The following VPS13C variants were observed in gnomAD, a reference collection of about 807,000 sequenced individuals.
VPS13C encodes intermembrane lipid transfer protein VPS13C.
A neutral mutation model predicts 456.8 loss-of-function variants in VPS13C; 358 were observed. The observed-to-expected ratio is 0.78, with a 90% CI of 0.72 to 0.86. VPS13C has a LOEUF of 0.86. Ranked by LOEUF, VPS13C falls within the 40% of genes least tolerant of loss-of-function variation. The pLI is 0.00. For synonymous variants in VPS13C, 1,578 were observed against 1,486.7 expected, an observed-to-expected ratio of 1.06 and a Z score of -1.41; for missense variants, 4,818 against 4,385.4, an observed-to-expected ratio of 1.10 and a Z score of -2.79.
In VPS13C at chr15:61,952,062, A is replaced by AAAAATTGGCT. The variant is rs2044817953; in HGVS notation, c.4300-83_4300-82insAGCCAATTTT. 7 of 1,463,914 alleles carry AAAAATTGGCT rather than the reference A, an allele frequency of 4.8e-6. No individual in the cohort carries two copies. The South Asian group carries it at 8.0e-5, about 17-fold the overall frequency. 90.7% of individuals were successfully genotyped at this position (1,463,914 alleles called of 1,614,324 possible). A position where few individuals can be genotyped will look rare whatever the true frequency, so the allele number is the denominator to read the frequency against. On this transcript the variant is annotated intron_variant, in intron 38 of 84. Coordinates refer to ENST00000644861, the MANE Select transcript of VPS13C (RefSeq NM_020821.3). ...AGTCAAGAATTTAATAAGTATCCAG[A>AAAAATTGGCT]GTGATATAAGGAAGAAATTCACACA... is the stretch of plus-strand genomic sequence containing the variant.
At chr15:61,891,007 A>G (rs1416415709) in intron 66 of VPS13C, among the ~76,000 whole-genome samples, 1 of 152,238 alleles carries the variant, frequency 6.6e-6, no homozygotes, top group African/African-American at 2.4e-5. Context: ...AGATAGCGTC[A>G]TCGCACTCCA....
At chr15:61,885,680 C>T (rs986386292) in intron 67 of VPS13C, among the ~76,000 whole-genome samples, 5 of 152,106 alleles carry the variant, frequency 3.3e-5, no homozygotes, top group Non-Finnish European at 5.9e-5. Context: ...ATACAATAGG[C>T]TTTAAATGCT....
chr15:61,917,363 T>C lies in VPS13C; in HGVS notation c.8033A>G (p.Tyr2678Cys), dbSNP rs2043504806. The part of the protein sequence containing the change: ...PSLTLRNLLP[Y>C]SLRYLLEGTA... ...TACCTCAAGTAAATATCTTAGGGAA[T>C]ATGGGAGAAGATTCCGCAAAGTGAG... is the stretch of plus-strand genomic sequence containing the variant. Residue 2678 changes from tyrosine (Y) to cysteine (C), a missense_variant, in exon 60 of 85, where the codon TAT becomes TGT. Physicochemically the swap from Tyr to Cys is radical, Grantham distance 194. Transcript: ENST00000644861. 2 of 1,613,542 alleles carry C rather than the reference T, an allele frequency of 1.2e-6. No homozygotes were observed. Among genetic ancestry groups the C allele is most frequent in the Non-Finnish European group, 1.7e-6 (2 of 1,179,690 alleles).
chr15:61,951,736 G>T, intron 39 of VPS13C, 88 bp downstream of exon 39: 2 of 1,353,272 alleles, frequency 1.5e-6, no homozygotes, highest in Non-Finnish European at 2.0e-6. Context: ...TAACACAATT[G>T]CACAGAAATC....
At chr15:61,950,526 G>T in intron 40 of VPS13C, 109 bp from the exon 41 acceptor site, 5 of 728,600 alleles carry the variant, frequency 6.9e-6, no homozygotes, top group Non-Finnish European at 4.1e-6. Context: ...AGAGTAAAAA[G>T]ATATTTCCTA....
At chr15:61,928,095 T>G (rs182711089) in intron 51 of VPS13C, among the ~76,000 whole-genome samples, 103 of 151,854 alleles carry the variant, frequency 6.8e-4, no homozygotes, top group Non-Finnish European at 1.0e-3. Flanking sequence ...TAATGCTAAA[T>G]GACGAGTTAA....
chr15:61,910,232 T>C lies in VPS13C; in HGVS notation c.8789A>G (p.Lys2930Arg). ...VRVVGCEGSSKPFFYNRQDNG... is the reference protein window; with the variant it reads ...VRVVGCEGSSRPFFYNRQDNG... ...ATCCTGTCGGTTATAAAAGAATGGTTTGGAAGATCCTTCACAGCCCACCAC... is the reference window on the plus strand; with the variant it reads ...ATCCTGTCGGTTATAAAAGAATGGTCTGGAAGATCCTTCACAGCCCACCAC... The change falls in exon 64 of 85, where the codon AAA (lysine) becomes AGA (arginine). Residue 2930 changes from lysine to arginine, a missense_variant. Lys to Arg is a conservative substitution (Grantham distance 26, BLOSUM62 2). Transcript: ENST00000644861. 1 of 1,519,114 alleles carries C rather than the reference T, an allele frequency of 6.6e-7. No individual in the cohort carries two copies. Among genetic ancestry groups the C allele is most frequent in the Non-Finnish European group, 8.9e-7 (1 of 1,126,898 alleles). 94.1% of individuals were successfully genotyped at this position (1,519,114 alleles called of 1,614,324 possible). A position where few individuals can be genotyped will look rare whatever the true frequency, so the allele number is the denominator to read the frequency against.
At chr15:61,902,710 G>A (rs996043190) in intron 66 of VPS13C, among the ~76,000 whole-genome samples, 2 of 151,876 alleles carry the variant, frequency 1.3e-5, no homozygotes, top group Admixed American at 6.6e-5. Context: ...AATGATAAAG[G>A]CTATATATAA....
At chr15:61,883,534 G>GA (rs1896034350) in intron 68 of VPS13C, among the ~76,000 whole-genome samples, 1 of 152,138 alleles carries the variant, frequency 6.6e-6, no homozygotes, top group African/African-American at 2.4e-5. Context: ...GATTAAACTA[G>GA]AGCAAGCTGG....
At chr15:62,013,599 T>G (rs1287836621) in intron 10 of VPS13C, among the ~76,000 whole-genome samples, 1 of 152,038 alleles carries the variant, frequency 6.6e-6, no homozygotes, top group East Asian at 1.9e-4. Context: ...GAAACGTATC[T>G]GTTTAATTAT....
intron 57 of VPS13C, 28 bp from the exon 58 acceptor site, chr15:61,919,477 T>A (rs2043579939): frequency 6.8e-7 from 1 of 1,467,828 alleles, no homozygotes; most frequent in Non-Finnish European, 9.0e-7. Context: ...TGAAAAGAAT[T>A]CCAAATATTA....
At chr15:62,012,964 A>C (rs2047098420) in intron 11 of VPS13C, 75 bp downstream of exon 11, 1 of 992,416 alleles carries the variant, frequency 1.0e-6, no homozygotes, top group Admixed American at 2.2e-5. Context: ...TCCTGTCCTC[A>C]TGAAGGCCCT....
Position 61,940,639 on chromosome 15 carries a change from C to T in VPS13C, c.5601+8G>A. 6.2e-7 allele frequency: 1 copy of T among 1,611,342 alleles called. No individual in the cohort carries two copies. Among genetic ancestry groups the T allele is most frequent in the Non-Finnish European group, 8.5e-7 (1 of 1,179,070 alleles). Reference sequence around the variant, plus strand: ...GAAATTTTCATATATTATATACTAGCTACTTACCTGCATAGGTTTTAGTTT... The same window carrying T: ...GAAATTTTCATATATTATATACTAGTTACTTACCTGCATAGGTTTTAGTTT... On this transcript the variant is annotated splice_region_variant and intron_variant, in intron 47 of 84. Coordinates refer to ENST00000644861, the MANE Select transcript of VPS13C (RefSeq NM_020821.3).
Position 61,922,647 on chromosome 15 carries a change from T to G in VPS13C, c.6725A>C (p.Lys2242Thr). The change falls in exon 54 of 85, where the codon AAA becomes ACA. Residue 2242 changes from lysine (K) to threonine (T), a missense_variant. Coordinates refer to ENST00000644861, the MANE Select transcript of VPS13C (RefSeq NM_020821.3). The stretch of plus-strand genomic sequence containing the variant: ...CCAAGTGTTATAATCATTAATCGAT[T>G]TGATACCCCAAAGATTTTCCATTTC... ...SKEMENLWGI[K>T]SINDYNTWFL... 1 of 1,614,102 alleles carries G rather than the reference T, an allele frequency of 6.2e-7. No homozygotes were observed. The highest frequency in any genetic ancestry group is 8.5e-7 in the Non-Finnish European group (1 of 1,179,974).
At position 61,949,740 on chromosome 15, in the gene VPS13C, C is replaced by T. The variant is rs895052297; in HGVS notation, c.4597-135G>A. On this transcript the variant is annotated intron_variant, in intron 41 of 84. Coordinates refer to ENST00000644861, the MANE Select transcript of VPS13C (RefSeq NM_020821.3). The stretch of plus-strand genomic sequence containing the variant: ...AAATTTTTATTTTTTTAAGAACTCA[C>T]TATTAACTCACTATTAAAATGTCAA... The T allele has an allele frequency of 5.1e-5, 38 of 740,736 alleles. 1 individual carries two copies. Among genetic ancestry groups the T allele is most frequent in the African/African-American group, 3.3e-4 (18 of 54,088 alleles). 45.9% of individuals were successfully genotyped at this position (740,736 alleles called of 1,614,324 possible). A position where few individuals can be genotyped will look rare whatever the true frequency, so the allele number is the denominator to read the frequency against.
chr15:62,012,305 C>A, intron 11 of VPS13C, 141 bp from the exon 12 acceptor site: 1 of 520,490 alleles, frequency 1.9e-6, no homozygotes, highest in Non-Finnish European at 3.5e-6. Context: ...TACTAGTAGT[C>A]AATAAGAAAA....
intron 67 of VPS13C, among the ~76,000 whole-genome samples, chr15:61,886,066 G>A (rs967062013): frequency 1.3e-5 from 2 of 152,064 alleles, no homozygotes; most frequent in Admixed American, 6.5e-5. Context: ...GGCCTTAAAC[G>A]AGTTCATTTT....
chr15:61,927,998 C>G lies in VPS13C; in HGVS notation c.6287-678G>C, dbSNP rs538366746. On this transcript the variant is annotated intron_variant, in intron 51 of 84. Coordinates refer to ENST00000644861, the MANE Select transcript of VPS13C (RefSeq NM_020821.3). ...ATAGGTGGGAACTGAACAATGAGAA[C>G]ACATGGACACAGGAAGGGGAACAAC... is the stretch of plus-strand genomic sequence containing the variant. 1.5e-3 allele frequency among the ~76,000 whole-genome samples: 220 copies of G among 143,716 alleles called. 1 individual carries two copies. The highest frequency in any genetic ancestry group is 5.3e-3 in the African/African-American group (203 of 38,106). 94.3% of individuals were successfully genotyped at this position (143,716 alleles called of 152,430 possible).
At position 62,044,237 on chromosome 15, in the gene VPS13C, T is replaced by C; in HGVS notation, c.119A>G (p.Asn40Ser). The change falls in exon 2 of 85, where the codon AAT (asparagine) becomes AGT (serine). Residue 40 changes from asparagine (N) to serine (S), a missense_variant. Physicochemically the swap from Asn to Ser is conservative, Grantham distance 46. Around this residue, in one of 3 missense-constraint regions of VPS13C, gnomAD observed 4,552 missense variants for 4,130.6 expected, o/e 1.10. Transcript: ENST00000644861. The part of the protein sequence containing the change: ...GIWGGNVALD[N>S]LQIKENALSE... ...CAGGGCATTTTCTTTTATCTGTAGA[T>C]TATCTAAAGCCACATTTCCTTTAAA... 1 of 1,481,502 alleles carries C rather than the reference T, an allele frequency of 6.7e-7. No homozygotes were observed. The highest frequency in any genetic ancestry group is 1.2e-5 in the South Asian group (1 of 84,268). The allele number at this position is 1,481,502 out of a possible 1,614,324, so 91.8% of individuals were successfully genotyped here.
Sources: allele counts gnomAD v4.1 joint callset (sites outside exome capture counted in the v4.1 genomes callset), GRCh38; gene constraint gnomAD v4.1.1; regional missense constraint gnomAD v4.1.1; transcripts MANE v1.5; gene names NCBI Gene and HGNC (gene_info 2026-07-23, HGNC 2026-07-21).